DIP2C: variants seen among roughly 807,000 people sequenced by gnomAD.
DIP2C encodes the protein disco-interacting protein 2 homolog C.
Under a neutral mutation model 192.4 loss-of-function variants are expected in DIP2C, and 33 were observed. That is an observed-to-expected ratio of 0.17 (90% CI 0.13 to 0.23). The LOEUF (loss-of-function observed/expected upper bound fraction) is 0.23, where lower values mean the gene tolerates loss of function less well. DIP2C is among the 10% of genes least tolerant of loss of function. The probability of loss-of-function intolerance (pLI) is 1.00; values close to 1 mark genes in which losing one functional copy is unlikely to be tolerated. For missense variants in DIP2C, 1,537 were observed against 2,110.1 expected (o/e 0.73, Z 5.32); for synonymous variants, 979 against 864.1 (o/e 1.13, Z -2.33).
At chr10:619,721 T>G (rs1224214999) in intron 1 of DIP2C, among the ~76,000 whole-genome samples, 1 of 152,074 alleles carries the variant, frequency 6.6e-6, no homozygotes, top group Non-Finnish European at 1.5e-5. Flanking sequence ...GACCACCTGG[T>G]CGGGGACCTC....
chr10:579,322 C>T (rs894055758), intron 1 of DIP2C, among the ~76,000 whole-genome samples: 36 of 151,864 alleles, frequency 2.4e-4, no homozygotes, highest in Non-Finnish European at 4.6e-4. Flanking sequence ...CACTATAATA[C>T]GTGTGTACAT....
At chr10:543,759 T>C (rs1287401770) in intron 1 of DIP2C, among the ~76,000 whole-genome samples, 1 of 152,254 alleles carries the variant, frequency 6.6e-6, no homozygotes, top group Non-Finnish European at 1.5e-5. Flanking sequence ...TTGAAAAGCA[T>C]TTACAAACCA....
At chr10:484,733 T>G in intron 2 of DIP2C, 1 of 1,588,422 alleles carries the variant, frequency 6.3e-7, no homozygotes, top group Non-Finnish European at 8.5e-7. Context: ...GGCCCTTTTC[T>G]AATGTGTACC....
intron 1 of DIP2C, among the ~76,000 whole-genome samples, chr10:585,096 G>A (rs907055164): frequency 6.6e-6 from 1 of 152,194 alleles, no homozygotes. Context: ...CTCTCCAGCA[G>A]AAAGAGCCTT....
chr10:379,023 G>A (rs1285861888), intron 17 of DIP2C, among the ~76,000 whole-genome samples: 5 of 152,172 alleles, frequency 3.3e-5, no homozygotes, highest in East Asian at 3.9e-4. Context: ...ATTCTTTTTT[G>A]GAGACTGGCC....
chr10:296,897 G>C (rs1220836356), intron 32 of DIP2C, among the ~76,000 whole-genome samples: 1 of 100,460 alleles, frequency 1.0e-5, no homozygotes, highest in Non-Finnish European at 1.8e-5. Flanking sequence ...GTGGGGTGGG[G>C]GGAGGGGGGA....
At chr10:588,796 C>CA (rs1851238460) in intron 1 of DIP2C, among the ~76,000 whole-genome samples, 1 of 152,236 alleles carries the variant, frequency 6.6e-6, no homozygotes, top group Non-Finnish European at 1.5e-5. Context: ...CAGCCACTGA[C>CA]AAGAGCCCCC....
intron 31 of DIP2C, chr10:311,449 A>G: frequency 8.7e-7 from 1 of 1,144,956 alleles, no homozygotes. Context: ...TCTGCACTCA[A>G]CTGCTAGTCT....
Position 666,192 on chromosome 10 carries a change from CTTATTA to C in DIP2C, c.85+23296_85+23301del, listed in dbSNP as rs933595021. On this transcript the variant is annotated intron_variant, in intron 1 of 36. Transcript: ENST00000280886. This position sits in a 1 kb window ranked among gnomAD's most constrained non-coding sequence, Gnocchi z 4.1. ...GAGTTTTTGTTTTCTCCGAACTGGC[CTTATTA>C]TTATTAATTATTCCTTCAGCACCTA... 1.3e-5 allele frequency: 2 copies of C among 152,130 alleles called. No homozygotes were observed. The highest frequency in any genetic ancestry group is 4.8e-5 in the African/African-American group (2 of 41,404). The allele number at this position is 152,130 out of a possible 1,614,324, so 9.4% of individuals were successfully genotyped here. A position where few individuals can be genotyped will look rare whatever the true frequency, so the allele number is the denominator to read the frequency against.
chr10:458,172 G>GT (rs1969459970), intron 3 of DIP2C, among the ~76,000 whole-genome samples: 1 of 152,222 alleles, frequency 6.6e-6, no homozygotes, highest in Admixed American at 6.5e-5. Context: ...GGACATCACA[G>GT]TGGCTACACA....
At chr10:559,996 C>G (rs543333282) in intron 1 of DIP2C, among the ~76,000 whole-genome samples, 1 of 145,578 alleles carries the variant, frequency 6.9e-6, no homozygotes. Flanking sequence ...CCTCTCCCCC[C>G]GATCCAGTTC....
rs978855083 is a variant in DIP2C, at chr10:416,490, G to A, written c.740-602C>T. Among the ~76,000 whole-genome samples, 8 of 152,034 alleles carry A rather than the reference G, an allele frequency of 5.3e-5. No individual in the cohort carries two copies. In the South Asian group the frequency reaches 6.2e-4, roughly 12 times the overall value. ...CTCCTCACACGCGTTCCAAACCCACGCAGCTCAGCCCACACACAGGCAATG... is the reference window on the plus strand; with the variant it reads ...CTCCTCACACGCGTTCCAAACCCACACAGCTCAGCCCACACACAGGCAATG... On this transcript the variant is annotated intron_variant, in intron 6 of 36. Transcript: ENST00000280886.
At chr10:285,544 G>T (rs924344214) in intron 34 of DIP2C, among the ~76,000 whole-genome samples, 6 of 152,218 alleles carry the variant, frequency 3.9e-5, no homozygotes, top group Non-Finnish European at 5.9e-5. Context: ...CTTCTCCAGT[G>T]CCCTCTGCTT....
At chr10:297,782 ATCAT>A (rs1174487947) in intron 32 of DIP2C, among the ~76,000 whole-genome samples, 1 of 152,186 alleles carries the variant, frequency 6.6e-6, no homozygotes, top group African/African-American at 2.4e-5. Context: ...ACAGTAATTT[ATCAT>A]TCAAATAGCT....
At chr10:392,789 GCA>G (rs1174517071) in intron 10 of DIP2C, among the ~76,000 whole-genome samples, 4 of 151,444 alleles carry the variant, frequency 2.6e-5, no homozygotes, top group Non-Finnish European at 4.4e-5. Flanking sequence ...ACGCGCCCAT[GCA>G]CACACGCGGA....
chr10:424,026 C>T (rs1966399180), intron 4 of DIP2C, among the ~76,000 whole-genome samples: 1 of 152,112 alleles, frequency 6.6e-6, no homozygotes, highest in Non-Finnish European at 1.5e-5. Context: ...CATTTAATAA[C>T]TTTTCATGCA....
chr10:424,356 T>A, intron 4 of DIP2C, among the ~76,000 whole-genome samples: 1 of 6,870 alleles, frequency 1.5e-4, no homozygotes, highest in Non-Finnish European at 2.8e-4. Context: ...TCACCTTGGG[T>A]TTTTTTTTTT....
chr10:524,876 A>G (rs998492898), intron 1 of DIP2C, among the ~76,000 whole-genome samples: 2 of 151,748 alleles, frequency 1.3e-5, no homozygotes, highest in Non-Finnish European at 2.9e-5. Context: ...CCACCTCTCT[A>G]TACTCAAGAA....
intron 3 of DIP2C, among the ~76,000 whole-genome samples, chr10:446,755 C>G (rs1291541550): frequency 1.3e-5 from 2 of 152,176 alleles, no homozygotes; most frequent in East Asian, 3.8e-4. Flanking sequence ...CCCTTCTGTT[C>G]CTGATGTGAC....
Sources: gnomAD v4.1 joint callset for allele counts (sites outside exome capture counted in the v4.1 genomes callset) on GRCh38, gnomAD v4.1.1 for gene constraint, Gnocchi (gnomAD v3.1) non-coding constraint, MANE v1.5 for transcripts, NCBI Gene and HGNC (gene_info 2026-07-23, HGNC 2026-07-21) for gene names.